The following KCNN2 variants were observed in gnomAD, a reference collection of about 807,000 sequenced individuals.
The protein encoded by KCNN2 is potassium calcium-activated channel subfamily N member 2.
Under a neutral mutation model 55.5 loss-of-function variants are expected in KCNN2, and 24 were observed. That is an observed-to-expected ratio of 0.43 (90% CI 0.31 to 0.61). KCNN2 has a LOEUF of 0.61. Ranked by LOEUF, KCNN2 falls within the 20% of genes least tolerant of loss-of-function variation. The probability of loss-of-function intolerance (pLI) is 0.08; values close to 1 mark genes in which losing one functional copy is unlikely to be tolerated. For synonymous variants in KCNN2, 431 were observed against 336.1 expected (o/e 1.28, Z -3.09); for missense variants, 754 against 853.6 (o/e 0.88, Z 1.45).
intron 1 of KCNN2, among the ~76,000 whole-genome samples, chr5:114,127,123 G>A (rs1489599904): frequency 2.0e-5 from 3 of 152,140 alleles, no homozygotes; most frequent in Admixed American, 2.0e-4. Context: ...TTTTCCAGGT[G>A]CATGGTGCAA....
chr5:114,171,082 T>C (rs1001916747), intron 1 of KCNN2, among the ~76,000 whole-genome samples: 1 of 151,994 alleles, frequency 6.6e-6, no homozygotes, highest in Non-Finnish European at 1.5e-5. Context: ...ACTCTCTATC[T>C]TTCCATTCTG....
At chr5:114,412,807 A>G (rs903274209) in intron 3 of KCNN2, among the ~76,000 whole-genome samples, 5 of 152,210 alleles carry the variant, frequency 3.3e-5, no homozygotes, top group East Asian at 1.9e-4. Context: ...TAATAGTTGT[A>G]AAAGTAGTCA....
chr5:114,306,700 C>CTTTTTTT (rs1245549186), intron 2 of KCNN2, among the ~76,000 whole-genome samples: 27 of 115,476 alleles, frequency 2.3e-4, no homozygotes, highest in African/African-American at 3.3e-4. Flanking sequence ...TTTTTTTTTT[C>CTTTTTTT]TTTTTTTTTT....
At chr5:114,211,484 C>T (rs1012996535) in intron 1 of KCNN2, among the ~76,000 whole-genome samples, 2 of 152,158 alleles carry the variant, frequency 1.3e-5, no homozygotes, top group Non-Finnish European at 2.9e-5. Context: ...ACCATATGTT[C>T]TCACTTAATA....
At chr5:114,430,635 A>G (rs1759763816) in intron 3 of KCNN2, among the ~76,000 whole-genome samples, 1 of 152,092 alleles carries the variant, frequency 6.6e-6, no homozygotes, top group Non-Finnish European at 1.5e-5. Context: ...GTTGAATAGG[A>G]ATGATGAGAA....
chr5:114,251,128 T>C (rs997883363), intron 2 of KCNN2, among the ~76,000 whole-genome samples: 15 of 152,184 alleles, frequency 9.9e-5, no homozygotes, highest in African/African-American at 3.6e-4. Flanking sequence ...CTGAGTATCA[T>C]GGGCCCTTTG....
chr5:114,443,055 G>A (rs539186492), intron 3 of KCNN2, among the ~76,000 whole-genome samples: 60 of 152,268 alleles, frequency 3.9e-4, no homozygotes, highest in African/African-American at 1.4e-3. Flanking sequence ...CACTGTGGGA[G>A]GCTGAGGGGG....
intron 2 of KCNN2, among the ~76,000 whole-genome samples, chr5:114,236,378 T>C (rs1317968078): frequency 1.3e-5 from 2 of 152,202 alleles, no homozygotes; most frequent in Non-Finnish European, 2.9e-5. Context: ...TTATGTTTTT[T>C]TCTTTAGACT....
chr5:114,463,249 C>T, intron 4 of KCNN2, 59 bp downstream of exon 4: 1 of 1,403,554 alleles, frequency 7.1e-7, no homozygotes. Flanking sequence ...ACTTAAACCA[C>T]TCAGTCCACG....
intron 2 of KCNN2, among the ~76,000 whole-genome samples, chr5:114,231,553 G>C (rs1277332081): frequency 6.6e-6 from 1 of 151,090 alleles, no homozygotes; most frequent in Non-Finnish European, 1.5e-5. Flanking sequence ...TTTGTTCTTT[G>C]ATTTTAAGTG....
At chr5:114,434,285 C>G (rs187660927) in intron 3 of KCNN2, among the ~76,000 whole-genome samples, 1 of 151,780 alleles carries the variant, frequency 6.6e-6, no homozygotes, top group African/African-American at 2.4e-5. Flanking sequence ...TCAAGACATT[C>G]TTTATTTTTG....
intron 2 of KCNN2, among the ~76,000 whole-genome samples, chr5:114,228,034 A>G (rs993885395): frequency 7.6e-6 from 1 of 132,134 alleles, no homozygotes; most frequent in East Asian, 2.3e-4. Context: ...TGATGATGAA[A>G]GAAGAAGGAG....
intron 2 of KCNN2, among the ~76,000 whole-genome samples, chr5:114,278,149 C>T (rs1755531216): frequency 6.6e-6 from 1 of 152,186 alleles, no homozygotes. Flanking sequence ...ACTCCAGACC[C>T]TGTTTTCCTG....
chr5:114,330,327 C>A (rs1756793483), intron 2 of KCNN2, among the ~76,000 whole-genome samples: 1 of 152,208 alleles, frequency 6.6e-6, no homozygotes, highest in Admixed American at 6.5e-5. Context: ...TGTACACACT[C>A]ATTCCTAACG....
At chr5:114,478,276 C>G (rs1408625973) in intron 5 of KCNN2, among the ~76,000 whole-genome samples, 1 of 151,950 alleles carries the variant, frequency 6.6e-6, no homozygotes, top group Non-Finnish European at 1.5e-5. Flanking sequence ...AAATGAAGAT[C>G]CAAAATAGCC....
intron 1 of KCNN2, among the ~76,000 whole-genome samples, chr5:114,068,002 C>A (rs1386513936): frequency 6.6e-6 from 1 of 152,124 alleles, no homozygotes; most frequent in Admixed American, 6.5e-5. Flanking sequence ...TTACTAACAA[C>A]TAATTTTTCC....
intron 4 of KCNN2, among the ~76,000 whole-genome samples, chr5:114,466,525 C>T (rs998144908): frequency 2.0e-5 from 3 of 151,998 alleles, no homozygotes; most frequent in Admixed American, 1.3e-4. Context: ...AATTCTCCCA[C>T]AACTATGAAT....
At chr5:114,380,770 G>A (rs1468144452) in intron 2 of KCNN2, among the ~76,000 whole-genome samples, 2 of 152,198 alleles carry the variant, frequency 1.3e-5, no homozygotes, top group Non-Finnish European at 1.5e-5. Flanking sequence ...GGGGCAGTTA[G>A]GGTGGGAGAG....
At chr5:114,254,401 G>C (rs569788613) in intron 2 of KCNN2, among the ~76,000 whole-genome samples, 1 of 152,286 alleles carries the variant, frequency 6.6e-6, no homozygotes, top group African/African-American at 2.4e-5. Flanking sequence ...GTAGAGAGCA[G>C]ATACCAGCTT....
Sources: gnomAD v4.1 joint callset for allele counts (sites outside exome capture counted in the v4.1 genomes callset) on GRCh38, gnomAD v4.1.1 for gene constraint, MANE v1.5 for transcripts, NCBI Gene and HGNC (gene_info 2026-07-23, HGNC 2026-07-21) for gene names.